The following SOX5 variants were observed in gnomAD, a reference collection of about 807,000 sequenced individuals.
The protein encoded by SOX5 is SRY-box transcription factor 5, also known as transcription factor SOX-5.
In SOX5, 9 loss-of-function variants were observed where a neutral mutation model predicts 92.0. The ratio of observed to expected loss-of-function variants is 0.10; its 90% CI spans 0.06 to 0.17. The LOEUF (loss-of-function observed/expected upper bound fraction) is 0.17, where lower values mean the gene tolerates loss of function less well. Among genes scored for constraint, SOX5 ranks in the 10% least tolerant of loss-of-function variants. The pLI is 1.00. For synonymous variants in SOX5, 344 were observed against 336.3 expected, an observed-to-expected ratio of 1.02 and a Z score of -0.25; for missense variants, 642 against 944.5, an observed-to-expected ratio of 0.68 and a Z score of 4.20.
chr12:24,026,599 CA>C (rs5797058), intron 4 of SOX5, among the ~76,000 whole-genome samples: 95,161 of 123,768 alleles, frequency 0.77, 34,955 homozygotes, highest in East Asian at 0.96. Context: ...GAAAAAAAAG[CA>C]AAAAAAAAAA....
intron 1 of SOX5, among the ~76,000 whole-genome samples, chr12:23,906,442 C>T (rs2097294160): frequency 2.0e-5 from 3 of 152,194 alleles, no homozygotes; most frequent in Admixed American, 2.0e-4. Flanking sequence ...TGTGACTGCA[C>T]TAGACTTTTT....
At chr12:23,921,407 C>A (rs1938233357) in intron 1 of SOX5, among the ~76,000 whole-genome samples, 1 of 151,158 alleles carries the variant, frequency 6.6e-6, no homozygotes, top group Non-Finnish European at 1.5e-5. Context: ...GTCAAAAATC[C>A]AAAGGGACAA....
chr12:24,131,839 G>A (rs891975772), intron 4 of SOX5, among the ~76,000 whole-genome samples: 2 of 152,120 alleles, frequency 1.3e-5, no homozygotes, highest in Non-Finnish European at 2.9e-5. Flanking sequence ...TTTAAAACAA[G>A]TATTTTTAGA....
intron 6 of SOX5, among the ~76,000 whole-genome samples, chr12:23,727,826 A>G (rs2093217474): frequency 6.6e-6 from 1 of 152,166 alleles, no homozygotes; most frequent in Non-Finnish European, 1.5e-5. Context: ...AGTAAAGTAT[A>G]GAGAACTGAG....
At chr12:23,609,078 A>G (rs2075636086) in intron 8 of SOX5, among the ~76,000 whole-genome samples, 1 of 152,166 alleles carries the variant, frequency 6.6e-6, no homozygotes, top group South Asian at 2.1e-4. Context: ...GGACATAGAA[A>G]AAGGAGATGG....
At chr12:23,946,678 AC>A (rs1277198706) in intron 1 of SOX5, among the ~76,000 whole-genome samples, 2 of 151,924 alleles carry the variant, frequency 1.3e-5, no homozygotes, top group Non-Finnish European at 2.9e-5. Flanking sequence ...TGATGCTATT[AC>A]TCACATTTAG....
At chr12:23,730,806 G>A (rs977780534) in intron 6 of SOX5, among the ~76,000 whole-genome samples, 3 of 152,168 alleles carry the variant, frequency 2.0e-5, no homozygotes, top group African/African-American at 7.2e-5. Flanking sequence ...ATCAGAGGTT[G>A]AGAAAGAATT....
At chr12:24,009,622 A>G (rs1035139976) in intron 4 of SOX5, among the ~76,000 whole-genome samples, 1 of 152,150 alleles carries the variant, frequency 6.6e-6, no homozygotes, top group Non-Finnish European at 1.5e-5. Context: ...AGAAGAGGTT[A>G]AAAAGATCAG....
At chr12:24,272,437 C>T (rs1476777567) in intron 3 of SOX5, among the ~76,000 whole-genome samples, 5 of 152,086 alleles carry the variant, frequency 3.3e-5, no homozygotes, top group African/African-American at 1.2e-4. Context: ...TAGCAAATAT[C>T]CTTGTCTTGT....
Position 24,530,535 on chromosome 12 carries a change from C to A in SOX5, c.-251+31794G>T, listed in dbSNP as rs543358323. Among the ~76,000 whole-genome samples, 3 of 152,194 alleles carry A rather than the reference C, an allele frequency of 2.0e-5. No individual in the cohort carries two copies. The East Asian group carries it at 5.8e-4, about 29-fold the overall frequency. ...AGCTGTGCTGGCGTGCACCTGTAGT[C>A]CCAGCTACTCAGGAGGCTGAGGCAG... On this transcript the variant is annotated intron_variant, in intron 1 of 4. Coordinates refer to the SOX5 transcript ENST00000446891.
At chr12:24,364,511 C>CATATATATATATATATATATATAT (rs58135899) in intron 2 of SOX5, among the ~76,000 whole-genome samples, 6 of 110,524 alleles carry the variant, frequency 5.4e-5, no homozygotes, top group South Asian at 2.9e-4. Context: ...AACATTTTTT[C>CATATATATATATATATATATATAT]ATATATATAT....
chr12:24,014,790 T>A (rs1192207208), intron 4 of SOX5, among the ~76,000 whole-genome samples: 1 of 152,148 alleles, frequency 6.6e-6, no homozygotes. Flanking sequence ...TTTAAATGAC[T>A]CCTTAAATTC....
chr12:23,719,686 C>A (rs753037619), intron 6 of SOX5, among the ~76,000 whole-genome samples: 14 of 151,134 alleles, frequency 9.3e-5, no homozygotes, highest in South Asian at 6.3e-4. Flanking sequence ...GAGCCCTGAG[C>A]CCCTGCCCAG....
chr12:23,847,849 A>G (rs186541409), intron 2 of SOX5, among the ~76,000 whole-genome samples: 40 of 152,306 alleles, frequency 2.6e-4, no homozygotes, highest in African/African-American at 9.1e-4. Context: ...TACAAAATGT[A>G]ACAATTACAA....
intron 4 of SOX5, among the ~76,000 whole-genome samples, chr12:24,118,824 A>T (rs538733711): frequency 1.3e-5 from 2 of 152,316 alleles, no homozygotes; most frequent in East Asian, 1.9e-4. Flanking sequence ...GACATTTGGC[A>T]GATAATATGA....
intron 1 of SOX5, among the ~76,000 whole-genome samples, chr12:24,450,818 C>A (rs1942185058): frequency 6.6e-6 from 1 of 152,112 alleles, no homozygotes; most frequent in Non-Finnish European, 1.5e-5. Flanking sequence ...TGTTACAATC[C>A]AATTATACTC....
At chr12:24,152,156 A>G (rs1409859624) in intron 4 of SOX5, among the ~76,000 whole-genome samples, 2 of 152,154 alleles carry the variant, frequency 1.3e-5, no homozygotes, top group Admixed American at 1.3e-4. Context: ...TTTCATTACT[A>G]TCCTATGTTT....
intron 1 of SOX5, among the ~76,000 whole-genome samples, chr12:24,524,383 C>CTATCTATCTATCTATG (rs1194745936): frequency 5.3e-5 from 8 of 152,010 alleles, no homozygotes; most frequent in African/African-American, 1.9e-4. Context: ...ATCTATCTAT[C>CTATCTATCTATCTATG]TATCCATCCA....
At chr12:24,104,817 G>T (rs961589984) in intron 4 of SOX5, among the ~76,000 whole-genome samples, 1 of 152,248 alleles carries the variant, frequency 6.6e-6, no homozygotes, top group Admixed American at 6.5e-5. Context: ...TATAACAGTT[G>T]GGTTTTATGT....
Sources: allele counts gnomAD v4.1 joint callset (sites outside exome capture counted in the v4.1 genomes callset), GRCh38; gene constraint gnomAD v4.1.1; transcripts MANE v1.5; gene names NCBI Gene and HGNC (gene_info 2026-07-23, HGNC 2026-07-21).